EXD2: variants seen among roughly 807,000 people sequenced by gnomAD.
EXD2 encodes the protein exonuclease 3'-5' domain-containing protein 2.
In EXD2, 40 loss-of-function variants were observed where a neutral mutation model predicts 62.5. The observed-to-expected ratio is 0.64, with a 90% CI of 0.50 to 0.83. The LOEUF (loss-of-function observed/expected upper bound fraction) is 0.83, where lower values mean the gene tolerates loss of function less well. Among genes scored for constraint, EXD2 ranks in the 40% least tolerant of loss-of-function variants. EXD2 has a pLI of 0.00. For missense variants in EXD2, 671 were observed against 761.8 expected (o/e 0.88, Z 1.40); for synonymous variants, 239 against 291.9 (o/e 0.82, Z 1.85).
chr14:69,223,584 C>A (rs1054446894), intron 3 of EXD2, among the ~76,000 whole-genome samples: 5 of 152,138 alleles, frequency 3.3e-5, no homozygotes, highest in African/African-American at 1.2e-4. Flanking sequence ...TTTGAGTTAC[C>A]TATAATGAGG....
intron 5 of EXD2, 79 bp from the exon 6 acceptor site, chr14:69,234,621 A>C: frequency 1.7e-6 from 2 of 1,195,202 alleles, no homozygotes; most frequent in Admixed American, 4.9e-5. Context: ...AGAGTTATCT[A>C]TTTCTTTGTG....
In EXD2 at chr14:69,216,694, ACTT is replaced by A. The variant is rs768838345; in HGVS notation, c.333+6895_333+6897del. ...GTATAGATCAGTTTGTAGGGAACTG[ACTT>A]CTTTATATTATTGAAGGGTTTTAAA... On this transcript the variant is annotated intron_variant, in intron 3 of 9. Coordinates refer to ENST00000685843, the MANE Select transcript of EXD2 (RefSeq NM_001193360.2). Among the ~76,000 whole-genome samples the A allele has an allele frequency of 2.1e-4, 32 of 152,206 alleles. 1 individual carries two copies. Among genetic ancestry groups the A allele is most frequent in the African/African-American group, 2.9e-4 (12 of 41,492 alleles).
intron 9 of EXD2, among the ~76,000 whole-genome samples, chr14:69,239,459 C>T (rs79223134): frequency 0.013 from 2,012 of 152,174 alleles, 41 homozygotes; most frequent in African/African-American, 0.047. Context: ...TACTCTTATC[C>T]ATTACTACTG....
chr14:69,236,566 T>C (rs759817723), intron 8 of EXD2, 24 bp downstream of exon 8: 1 of 1,613,780 alleles, frequency 6.2e-7, no homozygotes, highest in Admixed American at 1.7e-5. Context: ...TGGGCCACCC[T>C]GGTTGTCTGT....
chr14:69,242,392 T>G lies in EXD2; in HGVS notation c.*1292T>G, dbSNP rs116561599. On this transcript the variant is annotated 3_prime_UTR_variant, in exon 10 of 10. Coordinates refer to ENST00000685843, the MANE Select transcript of EXD2 (RefSeq NM_001193360.2). ...GGATGTAAATGTAAAACTTCGCGACTTTATAAAACTGGCATTCCTAGGGGA... is the reference window on the plus strand; with the variant it reads ...GGATGTAAATGTAAAACTTCGCGACGTTATAAAACTGGCATTCCTAGGGGA... 1.8e-3 allele frequency: 330 copies of G among 181,494 alleles called. 3 individuals carry two copies. The highest frequency in any genetic ancestry group is 7.2e-3 in the African/African-American group (307 of 42,776). 11.2% of individuals were successfully genotyped at this position (181,494 alleles called of 1,614,324 possible). A position where few individuals can be genotyped will look rare whatever the true frequency, so the allele number is the denominator to read the frequency against.
Position 69,209,738 on chromosome 14 carries a change from C to A in EXD2, c.268C>A (p.Gln90Lys), listed in dbSNP as rs1419530140. The change falls in exon 3 of 10, where the codon CAA becomes AAA. Residue 90 changes from glutamine to lysine, a missense_variant. By Grantham distance (53) the Gln-to-Lys change is moderately conservative. Transcript: ENST00000685843. The stretch of plus-strand genomic sequence containing the variant: ...GGTGTCTCAGGAGGCAGAGTGGGAT[C>A]AAATCGAGCCCTTGCTTAGAAGTGA... ...VTVSQEAEWD[Q>K]IEPLLRSELE... 58 of 1,532,526 alleles carry A rather than the reference C, an allele frequency of 3.8e-5. No homozygotes were observed. Among genetic ancestry groups the A allele is most frequent in the Non-Finnish European group, 4.9e-5 (56 of 1,137,818 alleles). 94.9% of individuals were successfully genotyped at this position (1,532,526 alleles called of 1,614,324 possible).
At chr14:69,210,423 T>C (rs770880851) in intron 3 of EXD2, among the ~76,000 whole-genome samples, 1 of 152,194 alleles carries the variant, frequency 6.6e-6, no homozygotes, top group African/African-American at 2.4e-5. Flanking sequence ...CTTGGAGATA[T>C]TGTAGGTTCG....
In EXD2 at chr14:69,242,953, T is replaced by C. The variant is rs1259430875; in HGVS notation, c.*1853T>C. On this transcript the variant is annotated 3_prime_UTR_variant, in exon 10 of 10. Coordinates refer to ENST00000685843, the MANE Select transcript of EXD2 (RefSeq NM_001193360.2). ...AAACAAGGGAGTAGGGCTGTTTCATTTTCTTTCCTTCTAATCCTCATGCCA... is the reference window on the plus strand; with the variant it reads ...AAACAAGGGAGTAGGGCTGTTTCATCTTCTTTCCTTCTAATCCTCATGCCA... The C allele has an allele frequency of 6.6e-6, 1 of 152,210 alleles. No individual in the cohort carries two copies. The highest frequency in any genetic ancestry group is 1.5e-5 in the Non-Finnish European group (1 of 68,024). 9.4% of individuals were successfully genotyped at this position (152,210 alleles called of 1,614,324 possible).
chr14:69,221,544 C>A (rs1314968148), intron 3 of EXD2, among the ~76,000 whole-genome samples: 1 of 151,998 alleles, frequency 6.6e-6, no homozygotes, highest in East Asian at 1.9e-4. Context: ...GCAGGAGGAT[C>A]ACACTTCAGG....
chr14:69,234,752 T>C lies in EXD2; in HGVS notation c.770T>C (p.Leu257Pro), dbSNP rs1359992648. 6.2e-7 allele frequency: 1 copy of C among 1,614,098 alleles called. No individual in the cohort carries two copies. Among genetic ancestry groups the C allele is most frequent in the Admixed American group, 1.7e-5 (1 of 60,000 alleles). The stretch of plus-strand genomic sequence containing the variant: ...ATTTCAGTGGCTCTCTTTCTTCATC[T>C]TCTTGGATACCCTTTCTCTAGGAAT... ...AQISVALFLHLLGYPFSRNSP... is the reference protein window; with the variant it reads ...AQISVALFLHPLGYPFSRNSP... The change falls in exon 6 of 10, where the codon CTT becomes CCT. Residue 257 changes from leucine (L) to proline (P), a missense_variant. Transcript: ENST00000685843.
chr14:69,194,987 G>T (rs1381984764), intron 1 of EXD2, among the ~76,000 whole-genome samples: 6 of 152,316 alleles, frequency 3.9e-5, no homozygotes, highest in African/African-American at 1.4e-4. Context: ...GGGTGGTTGA[G>T]ACGGGCGGAT....
intron 3 of EXD2, among the ~76,000 whole-genome samples, chr14:69,217,881 A>G (rs989721207): frequency 1.3e-5 from 2 of 152,140 alleles, no homozygotes; most frequent in African/African-American, 4.8e-5. Context: ...ATCCTTTTTT[A>G]TGGCTGCATA....
chr14:69,200,201 T>G (rs1308621629), intron 1 of EXD2, among the ~76,000 whole-genome samples: 1 of 152,184 alleles, frequency 6.6e-6, no homozygotes, highest in Non-Finnish European at 1.5e-5. Flanking sequence ...ATTCCAAGCA[T>G]TATTTCAACA....
At chr14:69,218,248 C>G (rs1490972177) in intron 3 of EXD2, among the ~76,000 whole-genome samples, 1 of 152,144 alleles carries the variant, frequency 6.6e-6, no homozygotes, top group Non-Finnish European at 1.5e-5. Flanking sequence ...GAGATGGTAT[C>G]TCATTGTGGT....
chr14:69,236,612 G>C, intron 8 of EXD2, 70 bp downstream of exon 8: 1 of 1,594,176 alleles, frequency 6.3e-7, no homozygotes, highest in South Asian at 1.1e-5. Flanking sequence ...CATATGCAGA[G>C]CCTTTGGGGG....
At chr14:69,225,528 G>A (rs989597603) in intron 3 of EXD2, among the ~76,000 whole-genome samples, 1 of 152,110 alleles carries the variant, frequency 6.6e-6, no homozygotes, top group African/African-American at 2.4e-5. Flanking sequence ...CATTAATACA[G>A]TATTATATGT....
intron 1 of EXD2, among the ~76,000 whole-genome samples, chr14:69,197,412 T>C (rs2096023): frequency 0.72 from 109,319 of 151,612 alleles, 40,584 homozygotes; most frequent in East Asian, 1. Context: ...TCTCGATGGT[T>C]GATTCATTCT....
chr14:69,235,174 C>A, intron 6 of EXD2, 143 bp downstream of exon 6: 1 of 677,662 alleles, frequency 1.5e-6, no homozygotes, highest in African/African-American at 1.8e-5. Flanking sequence ...TTCTTTCCAT[C>A]AGAGACATTT....
chr14:69,217,613 T>C (rs932156425), intron 3 of EXD2, among the ~76,000 whole-genome samples: 3 of 152,258 alleles, frequency 2.0e-5, no homozygotes, highest in Middle Eastern at 3.4e-3. Flanking sequence ...ATATGTATAC[T>C]TGTGCCATGT....
Sources: gnomAD v4.1 joint callset for allele counts (sites outside exome capture counted in the v4.1 genomes callset) on GRCh38, gnomAD v4.1.1 for gene constraint, MANE v1.5 for transcripts, NCBI Gene and HGNC (gene_info 2026-07-23, HGNC 2026-07-21) for gene names.